Variants in ACSBG2 observed in about 807,000 individuals in gnomAD.
ACSBG2 encodes the protein acyl-CoA synthetase bubblegum family member 2.
ACSBG2 carries 62 observed loss-of-function variants against 74.7 expected under a neutral mutation model. The observed-to-expected ratio is 0.83, with a 90% CI of 0.68 to 1.03. The LOEUF is 1.03. ACSBG2 is among the 50% of genes least tolerant of loss of function. ACSBG2 has a pLI of 0.00. For synonymous variants in ACSBG2, 309 were observed against 294.1 expected (o/e 1.05, Z -0.52); for missense variants, 730 against 817.6 (o/e 0.89, Z 1.31).
intron 1 of ACSBG2, among the ~76,000 whole-genome samples, chr19:6,140,789 T>C (rs144689036): frequency 1.1e-4 from 17 of 151,756 alleles, no homozygotes; most frequent in Admixed American, 2.0e-4. Flanking sequence ...ATAGACAATA[T>C]TGTCAGCTTT....
At chr19:6,151,843 C>A (rs763430818) in intron 4 of ACSBG2, 48 bp downstream of exon 4, 7 of 1,532,810 alleles carry the variant, frequency 4.6e-6, no homozygotes, top group Admixed American at 2.0e-5. Flanking sequence ...AGCCGCTACC[C>A]TGGGCCTGGG....
At chr19:6,144,347 A>G (rs76981848) in intron 2 of ACSBG2, among the ~76,000 whole-genome samples, 3,572 of 152,324 alleles carry the variant, frequency 0.023, 52 homozygotes, top group South Asian at 0.054. Context: ...TCCCAATCCA[A>G]TGTGACCAGT....
chr19:6,190,548 T>A (rs1435084144), intron 13 of ACSBG2, 36 bp from the exon 14 acceptor site: 1 of 1,587,798 alleles, frequency 6.3e-7, no homozygotes, highest in Non-Finnish European at 8.6e-7. Context: ...TTTTCTTTTA[T>A]CTCCACAACT....
intron 10 of ACSBG2, among the ~76,000 whole-genome samples, chr19:6,184,881 A>AAAAAAAC (rs2090363316): frequency 7.3e-6 from 1 of 137,554 alleles, no homozygotes; most frequent in African/African-American, 2.7e-5. Context: ...AACGAAAAAC[A>AAAAAAAC]GCCTGCAATG....
At chr19:6,156,058 C>A (rs976164553) in intron 4 of ACSBG2, among the ~76,000 whole-genome samples, 1 of 151,972 alleles carries the variant, frequency 6.6e-6, no homozygotes, top group East Asian at 1.9e-4. Flanking sequence ...AGAGGATGCA[C>A]CCTGCAAGCA....
At chr19:6,188,759 G>A (rs997916441) in intron 13 of ACSBG2, among the ~76,000 whole-genome samples, 2 of 152,142 alleles carry the variant, frequency 1.3e-5, no homozygotes, top group African/African-American at 4.8e-5. Flanking sequence ...GGGATCTTTG[G>A]GGGTGAAGGG....
At chr19:6,178,144 G>A (rs2090140903) in intron 8 of ACSBG2, among the ~76,000 whole-genome samples, 2 of 151,660 alleles carry the variant, frequency 1.3e-5, no homozygotes, top group East Asian at 1.9e-4. Context: ...TTCCTCTCCC[G>A]TCTTCTCATT....
At chr19:6,173,823 A>G (rs898546656) in intron 7 of ACSBG2, among the ~76,000 whole-genome samples, 11 of 152,124 alleles carry the variant, frequency 7.2e-5, no homozygotes, top group Non-Finnish European at 1.5e-4. Context: ...GCTTTCCACA[A>G]TAGGGAAGAT....
chr19:6,166,872 C>G (rs1441228373), intron 7 of ACSBG2, among the ~76,000 whole-genome samples: 1 of 152,076 alleles, frequency 6.6e-6, no homozygotes, highest in African/African-American at 2.4e-5. Context: ...CTCCTGACCT[C>G]AAGTGATCTG....
intron 13 of ACSBG2, among the ~76,000 whole-genome samples, chr19:6,188,823 T>A (rs1368436582): frequency 6.6e-6 from 1 of 152,108 alleles, no homozygotes; most frequent in Non-Finnish European, 1.5e-5. Context: ...AATCATCGGA[T>A]GTGGAAGCTG....
intron 7 of ACSBG2, chr19:6,175,474 G>A (rs1004402103): frequency 2.0e-5 from 3 of 152,184 alleles, no homozygotes; most frequent in African/African-American, 7.2e-5. Flanking sequence ...ACCTTAGATG[G>A]TGTGAGATGG....
chr19:6,143,458 T>C (rs1488411214), intron 2 of ACSBG2, among the ~76,000 whole-genome samples: 2 of 152,136 alleles, frequency 1.3e-5, no homozygotes, highest in African/African-American at 2.4e-5. Context: ...AAATCCAAGA[T>C]GATGCCATGA....
At chr19:6,168,976 G>A (rs1408825391) in intron 7 of ACSBG2, among the ~76,000 whole-genome samples, 3 of 152,084 alleles carry the variant, frequency 2.0e-5, no homozygotes, top group Admixed American at 1.3e-4. Flanking sequence ...GTGGGGCTTC[G>A]CTATGTTGGG....
intron 10 of ACSBG2, among the ~76,000 whole-genome samples, chr19:6,184,832 G>GGAAA (rs2090352725): frequency 7.4e-5 from 1 of 13,512 alleles, no homozygotes; most frequent in African/African-American, 1.2e-4. Flanking sequence ...ATGTGGAGAT[G>GGAAA]AAAAAAAAAA....
At chr19:6,164,245 G>C (rs1473582668) in intron 6 of ACSBG2, among the ~76,000 whole-genome samples, 4 of 152,076 alleles carry the variant, frequency 2.6e-5, no homozygotes, top group African/African-American at 4.8e-5. Context: ...ACCCTTTGTA[G>C]GGAGACCTAG....
chr19:6,177,258 G>A lies in ACSBG2; in HGVS notation c.768G>A (p.Lys256=). ...CGTGGATTGCAGGAGCAGTGACAAA[G>A]GACTTTAAACTGACAGACAAGCATG... ...NITWIAGAVT[K]DFKLTDKHET... Residue 256 remains lysine (K), a synonymous_variant, in exon 8 of 15, where the codon AAG becomes AAA. Coordinates refer to ENST00000588485, the MANE Select transcript of ACSBG2 (RefSeq NM_030924.5). 1 of 1,614,100 alleles carries A rather than the reference G, an allele frequency of 6.2e-7. No homozygotes were observed. The highest frequency in any genetic ancestry group is 1.1e-5 in the South Asian group (1 of 91,080).
At chr19:6,190,827 A>ACACC in intron 14 of ACSBG2, 135 bp downstream of exon 14, 1 of 550,548 alleles carries the variant, frequency 1.8e-6, no homozygotes. Context: ...ACACACACAC[A>ACACC]CACACACACA....
At chr19:6,172,664 G>A (rs934010673) in intron 7 of ACSBG2, among the ~76,000 whole-genome samples, 4 of 152,216 alleles carry the variant, frequency 2.6e-5, no homozygotes, top group African/African-American at 9.7e-5. Context: ...CAGGACTGAG[G>A]GTGTGGAGGT....
chr19:6,183,404 G>A (rs1892936455), intron 10 of ACSBG2, 132 bp downstream of exon 10: 1 of 758,490 alleles, frequency 1.3e-6, no homozygotes, highest in Non-Finnish European at 2.1e-6. Flanking sequence ...CTGTTCTCCA[G>A]CCTCCAAGTC....
Sources: allele counts gnomAD v4.1 joint callset (sites outside exome capture counted in the v4.1 genomes callset), GRCh38; gene constraint gnomAD v4.1.1; transcripts MANE v1.5; gene names NCBI Gene and HGNC (gene_info 2026-07-23, HGNC 2026-07-21).